FOXK1: variants seen among roughly 807,000 people sequenced by gnomAD.
FOXK1 encodes the protein forkhead box K1.
A neutral mutation model predicts 51.9 loss-of-function variants in FOXK1; 19 were observed. That is an observed-to-expected ratio of 0.37 (90% CI 0.26 to 0.54). FOXK1 has a LOEUF of 0.54. FOXK1 is among the 20% of genes least tolerant of loss of function. FOXK1 has a pLI of 0.87. For synonymous variants in FOXK1, 537 were observed against 482.6 expected (o/e 1.11, Z -1.48); for missense variants, 870 against 1,032.7 (o/e 0.84, Z 2.16).
chr7:4,742,658 C>T (rs1164439384), intron 2 of FOXK1, among the ~76,000 whole-genome samples: 2 of 152,278 alleles, frequency 1.3e-5, no homozygotes, highest in South Asian at 2.1e-4. Flanking sequence ...CTCAAGAGAT[C>T]CTCCCTCCTC....
intron 1 of FOXK1, among the ~76,000 whole-genome samples, chr7:4,706,165 C>T (rs767183909): frequency 6.6e-6 from 1 of 151,572 alleles, no homozygotes; most frequent in Non-Finnish European, 1.5e-5. Context: ...AAGGTAACAG[C>T]GAACGTCATT....
intron 1 of FOXK1, among the ~76,000 whole-genome samples, chr7:4,697,741 C>CTGTG (rs57978112): frequency 0.014 from 1,963 of 135,604 alleles, 17 homozygotes; most frequent in African/African-American, 0.018. Context: ...GAAAGATAGG[C>CTGTG]TGTGTGTGTG....
chr7:4,728,169 G>A (rs1420381817), intron 1 of FOXK1, among the ~76,000 whole-genome samples: 3 of 152,186 alleles, frequency 2.0e-5, no homozygotes, highest in Non-Finnish European at 4.4e-5. Flanking sequence ...CGCCTCCAGT[G>A]GAGATGTGAC....
rs796501840 is a variant in FOXK1 at position 4,754,859 on chromosome 7, C to T, written c.903+244C>T. On this transcript the variant is annotated intron_variant, in intron 3 of 8. Transcript: ENST00000328914. ...CGCCGTCACCGAGGGCCCCTCCCGC[C>T]ACGCTCCTTGTTCATCTGCCGCTGG... 4 of 604,800 alleles carry T rather than the reference C, an allele frequency of 6.6e-6. No homozygotes were observed. The African/African-American group carries it at 7.4e-5, about 11-fold the overall frequency. The allele number at this position is 604,800 out of a possible 1,614,324, so 37.5% of individuals were successfully genotyped here. A position where few individuals can be genotyped will look rare whatever the true frequency, so the allele number is the denominator to read the frequency against.
rs76636351 is a variant in FOXK1, at chr7:4,759,099, C to T, written c.1293C>T (p.Ser431=). Residue 431 remains serine, a synonymous_variant, in exon 6 of 9, where the codon TCC becomes TCT. Coordinates refer to ENST00000328914, the MANE Select transcript of FOXK1 (RefSeq NM_001037165.2). ...ACCCCGGGCTGATGTCCCCTCGCTCCGGCGGCCTGCAGACCCCAGAGTGCC... is the reference window on the plus strand; with the variant it reads ...ACCCCGGGCTGATGTCCCCTCGCTCTGGCGGCCTGCAGACCCCAGAGTGCC... ...PTHPGLMSPR[S]GGLQTPECLS... is the part of the protein sequence containing the mutation. 6,634 of 1,611,078 alleles carry T rather than the reference C, an allele frequency of 4.1e-3. 198 individuals carry two copies. In the African/African-American group the frequency reaches 0.073, roughly 18 times the overall value.
intron 1 of FOXK1, among the ~76,000 whole-genome samples, chr7:4,693,818 C>T (rs747501606): frequency 1.3e-5 from 2 of 151,520 alleles, no homozygotes; most frequent in African/African-American, 4.9e-5. Context: ...CCTCTAGCCT[C>T]TGCCTCCCAG....
chr7:4,759,092 C>T lies in FOXK1; in HGVS notation c.1286C>T (p.Pro429Leu), dbSNP rs754452809. The change falls in exon 6 of 9, where the codon CCT becomes CTT. Residue 429 changes from proline to leucine, a missense_variant. Physicochemically the swap from Pro to Leu is moderately conservative, Grantham distance 98. Transcript: ENST00000328914. ...CCCACACACCCCGGGCTGATGTCCC[C>T]TCGCTCCGGCGGCCTGCAGACCCCA... The part of the protein sequence containing the change: ...ASPTHPGLMS[P>L]RSGGLQTPEC... 2.0e-5 allele frequency: 32 copies of T among 1,610,382 alleles called. No individual in the cohort carries two copies. The highest frequency in any genetic ancestry group is 3.3e-4 in the Middle Eastern group (2 of 6,072).
intron 1 of FOXK1, among the ~76,000 whole-genome samples, chr7:4,712,393 T>A (rs949610251): frequency 3.3e-5 from 5 of 152,210 alleles, no homozygotes; most frequent in Non-Finnish European, 1.5e-5. Flanking sequence ...TGACCGTTCC[T>A]TGGAGTGAAG....
At position 4,683,013 on chromosome 7, in the gene FOXK1, C is replaced by G; in HGVS notation, c.560+145C>G. On this transcript the variant is annotated intron_variant, in intron 1 of 8. Coordinates refer to ENST00000328914, the MANE Select transcript of FOXK1 (RefSeq NM_001037165.2). The surrounding 1 kb of genome is among the most constrained non-coding windows in gnomAD (Gnocchi z 4.5). ...CCACCCCCGGTAACCCCCGACCGGC[C>G]TGGACTCCGGGGTCAACCCCGACCC... is the stretch of plus-strand genomic sequence containing the variant. 2.3e-6 allele frequency: 2 copies of G among 851,698 alleles called. No individual in the cohort carries two copies. Among genetic ancestry groups the G allele is most frequent in the Non-Finnish European group, 3.4e-6 (2 of 591,348 alleles). The allele number at this position is 851,698 out of a possible 1,614,324, so 52.8% of individuals were successfully genotyped here. A position where few individuals can be genotyped will look rare whatever the true frequency, so the allele number is the denominator to read the frequency against.
chr7:4,713,996 T>C lies in FOXK1; in HGVS notation c.561-26842T>C, dbSNP rs199682698. ...CATGCGCCACCACGTCCGGCTAATT[T>C]TTTGTATTTAGTAGAGACGAGGTTT... On this transcript the variant is annotated intron_variant, in intron 1 of 8. Transcript: ENST00000328914. Among the ~76,000 whole-genome samples the C allele has an allele frequency of 3.3e-5, 5 of 151,582 alleles. No homozygotes were observed. The East Asian group carries it at 9.8e-4, about 30-fold the overall frequency.
In FOXK1 at chr7:4,703,259, C is replaced by T. The variant is rs1306848244; in HGVS notation, c.560+20391C>T. ...ATGAGGAGTCAGGGAGACAGACCTC[C>T]AGCCATTGGGCCTCTCCGCTCTGGG... is the stretch of plus-strand genomic sequence containing the variant. On this transcript the variant is annotated intron_variant, in intron 1 of 8. Transcript: ENST00000328914. The surrounding 1 kb of genome is among the most constrained non-coding windows in gnomAD (Gnocchi z 5.6). Among the ~76,000 whole-genome samples the T allele has an allele frequency of 6.6e-6, 1 of 152,106 alleles. No individual in the cohort carries two copies. The highest frequency in any genetic ancestry group is 1.5e-5 in the Non-Finnish European group (1 of 68,010).
At chr7:4,727,106 A>G (rs1039487333) in intron 1 of FOXK1, among the ~76,000 whole-genome samples, 24 of 151,302 alleles carry the variant, frequency 1.6e-4, no homozygotes, top group African/African-American at 5.8e-4. Context: ...CCACTATGCC[A>G]GGCTAATTTT....
Position 4,759,299 on chromosome 7 carries a change from C to G in FOXK1, c.1412-12C>G. ...GGGAGGGGTCACCGTCCGCTCTCCG[C>G]CCTCCGTGCAGGCTCCCCCGTCAGC... On this transcript the variant is annotated splice_polypyrimidine_tract_variant and intron_variant, in intron 6 of 8. Coordinates refer to ENST00000328914, the MANE Select transcript of FOXK1 (RefSeq NM_001037165.2). 1 of 1,601,552 alleles carries G rather than the reference C, an allele frequency of 6.2e-7. No individual in the cohort carries two copies. The highest frequency in any genetic ancestry group is 1.3e-5 in the African/African-American group (1 of 74,948).
At position 4,759,573 on chromosome 7, in the gene FOXK1, G is replaced by C; in HGVS notation, c.1674G>C (p.Leu558=). The change falls in exon 7 of 9, where the codon CTG becomes CTC. Residue 558 remains leucine, a synonymous_variant. Coordinates refer to ENST00000328914, the MANE Select transcript of FOXK1 (RefSeq NM_001037165.2). ...GSHDAAGAAV[L]DLGSEARGLE... is the part of the protein sequence containing the mutation. ...ATGATGCGGCGGGCGCAGCCGTGCT[G>C]GACCTGGGCAGCGAGGCCAGAGGTA... The C allele has an allele frequency of 6.5e-7, 1 of 1,537,712 alleles. No homozygotes were observed. Among genetic ancestry groups the C allele is most frequent in the South Asian group, 1.2e-5 (1 of 84,112 alleles).
chr7:4,729,074 C>T lies in FOXK1; in HGVS notation c.561-11764C>T, dbSNP rs1475503157. Among the ~76,000 whole-genome samples, 2 of 152,232 alleles carry T rather than the reference C, an allele frequency of 1.3e-5. No homozygotes were observed. Among genetic ancestry groups the T allele is most frequent in the African/African-American group, 4.8e-5 (2 of 41,456 alleles). ...CGCAAGCAAGCTCTGCCCGGGTCAGCCCCAGAGGGTTGCAGAACACTGTGT... is the reference window on the plus strand; with the variant it reads ...CGCAAGCAAGCTCTGCCCGGGTCAGTCCCAGAGGGTTGCAGAACACTGTGT... On this transcript the variant is annotated intron_variant, in intron 1 of 8. Transcript: ENST00000328914. The surrounding 1 kb of genome is among the most constrained non-coding windows in gnomAD (Gnocchi z 6.2).
chr7:4,691,871 A>G (rs1779895879), intron 1 of FOXK1, among the ~76,000 whole-genome samples: 1 of 152,084 alleles, frequency 6.6e-6, no homozygotes, highest in Non-Finnish European at 1.5e-5. Flanking sequence ...CTGTTCCCCT[A>G]AGTGTCAAAG....
chr7:4,694,853 C>T (rs926160281), intron 1 of FOXK1, among the ~76,000 whole-genome samples: 5 of 152,174 alleles, frequency 3.3e-5, no homozygotes, highest in African/African-American at 1.2e-4. Flanking sequence ...CCAAGCCGCC[C>T]CGGGTGGGAT....
rs1781089390 is a variant in FOXK1 at position 4,770,867 on chromosome 7, GT to G, written c.*8404del. On this transcript the variant is annotated 3_prime_UTR_variant, in exon 9 of 9. Coordinates refer to ENST00000328914, the MANE Select transcript of FOXK1 (RefSeq NM_001037165.2). ...TTGGGAGGGGCGGGTGTTGTTCGGT[GT>G]GTGTGTGTGTGTGTGTGTGTGTGTG... 3 of 33,468 alleles carry G rather than the reference GT, an allele frequency of 9.0e-5. No homozygotes were observed. The highest frequency in any genetic ancestry group is 1.5e-4 in the African/African-American group (2 of 13,298). The allele number at this position is 33,468 out of a possible 1,614,324, so 2.1% of individuals were successfully genotyped here.
rs1780881192 is a variant in FOXK1, at chr7:4,758,317, A to T, written c.1245-734A>T. The T allele has an allele frequency of 6.6e-6, 1 of 152,238 alleles. No individual in the cohort carries two copies. The highest frequency in any genetic ancestry group is 2.4e-5 in the African/African-American group (1 of 41,452). The allele number at this position is 152,238 out of a possible 1,614,324, so 9.4% of individuals were successfully genotyped here. A position where few individuals can be genotyped will look rare whatever the true frequency, so the allele number is the denominator to read the frequency against. ...GCCCAGCTCAGTCTTGGCCAAGCCC[A>T]GTCTGGAGGAGCATGCACCGCCTGT... On this transcript the variant is annotated intron_variant, in intron 5 of 8. Transcript: ENST00000328914. This position sits in a 1 kb window ranked among gnomAD's most constrained non-coding sequence, Gnocchi z 4.4.
Sources: gnomAD v4.1 joint callset for allele counts (sites outside exome capture counted in the v4.1 genomes callset) on GRCh38, gnomAD v4.1.1 for gene constraint, Gnocchi (gnomAD v3.1) non-coding constraint, MANE v1.5 for transcripts, NCBI Gene and HGNC (gene_info 2026-07-23, HGNC 2026-07-21) for gene names.